SPATC1L: variants seen among roughly 807,000 people sequenced by gnomAD.
The protein encoded by SPATC1L is spermatogenesis and centriole associated 1 like, also known as speriolin-like protein.
Under a neutral mutation model 21.2 loss-of-function variants are expected in SPATC1L, and 20 were observed. The observed-to-expected ratio is 0.94, with a 90% CI of 0.66 to 1.37. The LOEUF (loss-of-function observed/expected upper bound fraction) is 1.37, where lower values mean the gene tolerates loss of function less well. SPATC1L is among the 40% of genes most tolerant of loss of function. The pLI is 0.00. For missense variants in SPATC1L, 499 were observed against 478.7 expected (o/e 1.04, Z -0.40); for synonymous variants, 290 against 234.5 (o/e 1.24, Z -2.16).
At chr21:46,182,406 C>G (rs562738119) in intron 2 of SPATC1L, among the ~76,000 whole-genome samples, 9 of 152,354 alleles carry the variant, frequency 5.9e-5, no homozygotes, top group South Asian at 2.1e-4. Flanking sequence ...AGCGGTTGAC[C>G]ACTCCCACTT....
chr21:46,171,010 T>A (rs980348074), intron 2 of SPATC1L, among the ~76,000 whole-genome samples: 2 of 151,890 alleles, frequency 1.3e-5, no homozygotes, highest in African/African-American at 4.8e-5. Context: ...TCTGTGAACA[T>A]CCTTTGTGGA....
At chr21:46,181,305 C>G (rs929749753) in intron 2 of SPATC1L, among the ~76,000 whole-genome samples, 1 of 152,194 alleles carries the variant, frequency 6.6e-6, no homozygotes, top group Non-Finnish European at 1.5e-5. Context: ...GACGCAGAAC[C>G]TGGGGCCTCG....
chr21:46,174,332 C>CAAAAAAAAAAAAAAAAAAAAAAA (rs66721282), intron 2 of SPATC1L, among the ~76,000 whole-genome samples: 1 of 34,256 alleles, frequency 2.9e-5, no homozygotes, highest in African/African-American at 9.4e-5. Context: ...GACTCTGTCT[C>CAAAAAAAAAAAAAAAAAAAAAAA]AAAAAACAAA....
In SPATC1L at chr21:46,161,236, G is replaced by C. The variant is rs2079482722; in HGVS notation, c.*143C>G. The C allele has an allele frequency of 1.4e-6, 1 of 722,680 alleles. No homozygotes were observed. Among genetic ancestry groups the C allele is most frequent in the Non-Finnish European group, 2.1e-6 (1 of 487,782 alleles). 44.8% of individuals were successfully genotyped at this position (722,680 alleles called of 1,614,324 possible). On this transcript the variant is annotated 3_prime_UTR_variant, in exon 5 of 5. Coordinates refer to ENST00000291672, the MANE Select transcript of SPATC1L (RefSeq NM_001142854.2). Reference sequence around the variant, plus strand: ...AGCGGCGGGCTGCGGTCGGGGCCCAGCACCGGTGGGAGCGGGGCCTTCTCT... The same window carrying C: ...AGCGGCGGGCTGCGGTCGGGGCCCACCACCGGTGGGAGCGGGGCCTTCTCT...
In SPATC1L at chr21:46,182,969, G is replaced by T; in HGVS notation, c.-153C>A. 2.5e-6 allele frequency: 2 copies of T among 804,212 alleles called. No homozygotes were observed. Among genetic ancestry groups the T allele is most frequent in the South Asian group, 2.0e-5 (1 of 49,080 alleles). The allele number at this position is 804,212 out of a possible 1,614,324, so 49.8% of individuals were successfully genotyped here. A position where few individuals can be genotyped will look rare whatever the true frequency, so the allele number is the denominator to read the frequency against. On this transcript the variant is annotated 5_prime_UTR_variant, in exon 2 of 5. Transcript: ENST00000291672. ...TGTGATGTCACTGCCCTAGTGATGA[G>T]GTGCCCAGCACCCTGCCTGCCCCCG...
Position 46,182,710 on chromosome 21 carries a change from C to A in SPATC1L, c.107G>T (p.Ser36Ile). The change falls in exon 2 of 5, where the codon AGC becomes ATC. Residue 36 changes from serine to isoleucine, a missense_variant. Transcript: ENST00000291672. The part of the protein sequence containing the change: ...KENQMLRRLL[S>I]QSCQEGGGHD... ...GCCGCCGCCCTCCTGGCAGCTCTGGCTGAGCAGCCGCCGCAGCATCTGATT... is the reference window on the plus strand; with the variant it reads ...GCCGCCGCCCTCCTGGCAGCTCTGGATGAGCAGCCGCCGCAGCATCTGATT... The A allele has an allele frequency of 6.5e-7, 1 of 1,545,906 alleles. No homozygotes were observed. The highest frequency in any genetic ancestry group is 8.7e-7 in the Non-Finnish European group (1 of 1,146,632).
chr21:46,182,729 T>C lies in SPATC1L; in HGVS notation c.88A>G (p.Met30Val), dbSNP rs572288533. ...CTCTGGCTGAGCAGCCGCCGCAGCA[T>C]CTGATTCTCCTTCAGGAGGCGCACC... is the stretch of plus-strand genomic sequence containing the variant. ...KQVRLLKENQMLRRLLSQSCQ... is the reference protein window; with the variant it reads ...KQVRLLKENQVLRRLLSQSCQ... The change falls in exon 2 of 5, where the codon ATG becomes GTG. Residue 30 changes from methionine (M) to valine (V), a missense_variant. By Grantham distance (21) the Met-to-Val change is conservative. Coordinates refer to ENST00000291672, the MANE Select transcript of SPATC1L (RefSeq NM_001142854.2). The C allele has an allele frequency of 6.5e-7, 1 of 1,547,722 alleles. No homozygotes were observed. The highest frequency in any genetic ancestry group is 2.4e-5 in the East Asian group (1 of 40,912).
At chr21:46,173,859 G>C (rs2079610291) in intron 2 of SPATC1L, among the ~76,000 whole-genome samples, 1 of 152,122 alleles carries the variant, frequency 6.6e-6, no homozygotes, top group African/African-American at 2.4e-5. Flanking sequence ...CAGCCCCCCA[G>C]TGCAGTGGAT....
intron 2 of SPATC1L, among the ~76,000 whole-genome samples, chr21:46,180,941 T>C (rs1406278505): frequency 6.6e-6 from 1 of 152,176 alleles, no homozygotes; most frequent in African/African-American, 2.4e-5. Flanking sequence ...GCCGTGGTCA[T>C]GGAGACCCCG....
At chr21:46,174,349 A>AAAAAAAAC (rs2079615977) in intron 2 of SPATC1L, among the ~76,000 whole-genome samples, 1 of 147,216 alleles carries the variant, frequency 6.8e-6, no homozygotes, top group African/African-American at 2.6e-5. Flanking sequence ...CAAAACAAAA[A>AAAAAAAAC]AAAAAAAAAA....
chr21:46,172,123 G>T (rs1273188235), intron 2 of SPATC1L, among the ~76,000 whole-genome samples: 90,128 of 138,616 alleles, frequency 0.65, 35,464 homozygotes, highest in East Asian at 0.95. Context: ...TGAGGCGGGG[G>T]ATGCACAGAG....
intron 2 of SPATC1L, among the ~76,000 whole-genome samples, chr21:46,175,226 C>G (rs2079623851): frequency 2.6e-5 from 4 of 152,144 alleles, no homozygotes; most frequent in African/African-American, 9.7e-5. Context: ...CTCAGTCAAA[C>G]AACCTAACAT....
chr21:46,168,263 G>T, intron 3 of SPATC1L, 45 bp downstream of exon 3: 2 of 1,400,536 alleles, frequency 1.4e-6, no homozygotes, highest in Non-Finnish European at 1.9e-6. Flanking sequence ...ACAGCTGCCA[G>T]CCTGCACTGG....
At chr21:46,184,301 C>G (rs2079706938) in intron 1 of SPATC1L, 55 bp downstream of exon 1, 1 of 154,312 alleles carries the variant, frequency 6.5e-6, no homozygotes, top group Non-Finnish European at 1.5e-5. Flanking sequence ...GTCAGTGCGA[C>G]CGACTTGAAA....
intron 2 of SPATC1L, among the ~76,000 whole-genome samples, chr21:46,171,990 A>C (rs16978941): frequency 6.7e-6 from 1 of 149,624 alleles, no homozygotes; most frequent in Non-Finnish European, 1.5e-5. Context: ...ATAATTGCAC[A>C]AAGTCTCATC....
chr21:46,161,288 T>C lies in SPATC1L; in HGVS notation c.*91A>G. ...GCCTCGCGCGCGGGGGACGCGGCCC[T>C]TTCCCCTCCGGGGGGACGCGCAGGA... On this transcript the variant is annotated 3_prime_UTR_variant, in exon 5 of 5. Transcript: ENST00000291672. The C allele has an allele frequency of 7.8e-7, 1 of 1,280,580 alleles. No individual in the cohort carries two copies. Among genetic ancestry groups the C allele is most frequent in the African/African-American group, 1.6e-5 (1 of 63,444 alleles). 79.3% of individuals were successfully genotyped at this position (1,280,580 alleles called of 1,614,324 possible).
In SPATC1L at chr21:46,182,574, T is replaced by C; in HGVS notation, c.193+50A>G. On this transcript the variant is annotated intron_variant, in intron 2 of 4. Coordinates refer to ENST00000291672, the MANE Select transcript of SPATC1L (RefSeq NM_001142854.2). ...ACCCTCGACTCCCGGGGAGCAGGCGTCCCGCGACCCCCTCATCTACCAGGC... is the reference window on the plus strand; with the variant it reads ...ACCCTCGACTCCCGGGGAGCAGGCGCCCCGCGACCCCCTCATCTACCAGGC... 3 of 1,413,220 alleles carry C rather than the reference T, an allele frequency of 2.1e-6. No homozygotes were observed. The South Asian group carries it at 4.6e-5, about 22-fold the overall frequency. 87.5% of individuals were successfully genotyped at this position (1,413,220 alleles called of 1,614,324 possible).
chr21:46,177,449 A>T (rs2079640568), intron 2 of SPATC1L, among the ~76,000 whole-genome samples: 1 of 152,246 alleles, frequency 6.6e-6, no homozygotes, highest in Admixed American at 6.5e-5. Context: ...AAGTGGGCAA[A>T]GGACATGAAC....
intron 3 of SPATC1L, among the ~76,000 whole-genome samples, chr21:46,167,072 A>G (rs1278190281): frequency 6.6e-6 from 1 of 152,242 alleles, no homozygotes; most frequent in Non-Finnish European, 1.5e-5. Flanking sequence ...TATATCAAGT[A>G]TCTTCTCCGA....
Sources: allele counts gnomAD v4.1 joint callset (sites outside exome capture counted in the v4.1 genomes callset), GRCh38; gene constraint gnomAD v4.1.1; transcripts MANE v1.5; gene names NCBI Gene and HGNC (gene_info 2026-07-23, HGNC 2026-07-21).